The following ABI3BP variants were observed in gnomAD, a reference collection of about 807,000 sequenced individuals.
The protein encoded by ABI3BP is target of Nesh-SH3.
ABI3BP carries 216 observed loss-of-function variants against 268.6 expected under a neutral mutation model. That is an observed-to-expected ratio of 0.80 (90% CI 0.72 to 0.90). ABI3BP has a LOEUF of 0.90. Among genes scored for constraint, ABI3BP ranks in the 40% least tolerant of loss-of-function variants. ABI3BP has a pLI of 0.00. For synonymous variants in ABI3BP, 730 were observed against 730.0 expected, an observed-to-expected ratio of 1.00 and a Z score of 0.00; for missense variants, 2,090 against 2,182.4, an observed-to-expected ratio of 0.96 and a Z score of 0.84.
chr3:100,816,874 T>C, intron 42 of ABI3BP, 106 bp from the exon 43 acceptor site: 1 of 716,484 alleles, frequency 1.4e-6, no homozygotes, highest in Non-Finnish European at 2.3e-6. Flanking sequence ...TCATATGTCT[T>C]TTAAGATTAA....
intron 1 of ABI3BP, among the ~76,000 whole-genome samples, chr3:100,963,680 C>T (rs952943140): frequency 6.6e-6 from 1 of 152,234 alleles, no homozygotes; most frequent in Admixed American, 6.5e-5. Flanking sequence ...CCAGGTTCAT[C>T]TCTAAGCCCT....
intron 1 of ABI3BP, among the ~76,000 whole-genome samples, chr3:100,947,237 C>T (rs564029176): frequency 8.5e-5 from 13 of 152,174 alleles, no homozygotes; most frequent in African/African-American, 3.1e-4. Flanking sequence ...TTGAGCTTTA[C>T]TAGGTGAGAA....
chr3:100,871,121 CTATAAT>C (rs2153229173), intron 9 of ABI3BP, among the ~76,000 whole-genome samples: 1 of 152,002 alleles, frequency 6.6e-6, no homozygotes, highest in East Asian at 1.9e-4. Context: ...AAAACAAGAA[CTATAAT>C]TATAATATTG....
At chr3:100,967,894 A>C (rs1412222062) in intron 1 of ABI3BP, among the ~76,000 whole-genome samples, 1 of 152,180 alleles carries the variant, frequency 6.6e-6, no homozygotes, top group Non-Finnish European at 1.5e-5. Context: ...AAAGAAAAAA[A>C]ATGAAAAAAC....
intron 14 of ABI3BP, among the ~76,000 whole-genome samples, chr3:100,858,079 G>A (rs1034463583): frequency 7.2e-5 from 11 of 152,284 alleles, no homozygotes; most frequent in Middle Eastern, 3.4e-3. Context: ...CAGAAAGACT[G>A]ACTTTTTGTG....
chr3:100,927,487 G>A (rs1172130681), intron 1 of ABI3BP, among the ~76,000 whole-genome samples: 6 of 97,628 alleles, frequency 6.1e-5, no homozygotes, highest in East Asian at 1.1e-3. Flanking sequence ...CTGAAACTGC[G>A]TAATTTATAA....
intron 14 of ABI3BP, among the ~76,000 whole-genome samples, chr3:100,858,433 C>T (rs2098962254): frequency 6.6e-6 from 1 of 152,014 alleles, no homozygotes; most frequent in South Asian, 2.1e-4. Context: ...ATATTCTGTC[C>T]CCTGGTTGCC....
At chr3:100,914,063 A>G (rs2057734363) in intron 2 of ABI3BP, among the ~76,000 whole-genome samples, 1 of 152,238 alleles carries the variant, frequency 6.6e-6, no homozygotes, top group Non-Finnish European at 1.5e-5. Flanking sequence ...GGGAAATAGC[A>G]CAATCAGCAC....
chr3:100,991,427 G>A (rs2092898710), intron 1 of ABI3BP, among the ~76,000 whole-genome samples: 1 of 152,128 alleles, frequency 6.6e-6, no homozygotes, highest in Non-Finnish European at 1.5e-5. Context: ...ACAAAAAGTT[G>A]TACAGGTTTC....
chr3:100,936,714 A>G (rs978246821), intron 1 of ABI3BP, among the ~76,000 whole-genome samples: 2 of 152,034 alleles, frequency 1.3e-5, no homozygotes, highest in African/African-American at 4.8e-5. Flanking sequence ...TGGGAGGGTT[A>G]TGTGTCCAGA....
chr3:100,969,674 T>C (rs961440675), intron 1 of ABI3BP, among the ~76,000 whole-genome samples: 3 of 152,066 alleles, frequency 2.0e-5, no homozygotes, highest in African/African-American at 7.2e-5. Context: ...ATCTACGTCA[T>C]CAAGAAAAAA....
At chr3:100,912,299 A>AAAAAAAAAAAT (rs2056968911) in intron 2 of ABI3BP, 15 of 157,128 alleles carry the variant, frequency 9.5e-5, no homozygotes, top group Non-Finnish European at 1.9e-4. Flanking sequence ...AAAAAAAAAA[A>AAAAAAAAAAAT]AAAAACAGAC....
Position 100,787,928 on chromosome 3 carries a change from T to A in ABI3BP, c.4088-126A>T, listed in dbSNP as rs142153409. The A allele has an allele frequency of 1.3e-4, 75 of 569,694 alleles. 1 individual carries two copies. In the East Asian group the frequency reaches 2.2e-3, roughly 17 times the overall value. 35.3% of individuals were successfully genotyped at this position (569,694 alleles called of 1,614,324 possible). ...AAAAGATGACTTACCAAAAATATTA[T>A]TCAGAATATAGAAACCACAGTCTCG... On this transcript the variant is annotated intron_variant, in intron 56 of 67. Coordinates refer to ENST00000471714, the MANE Select transcript of ABI3BP (RefSeq NM_001375547.2).
At chr3:100,867,527 G>A (rs1003348915) in intron 9 of ABI3BP, among the ~76,000 whole-genome samples, 2 of 150,532 alleles carry the variant, frequency 1.3e-5, no homozygotes, top group African/African-American at 4.9e-5. Context: ...TGTAGTCCCA[G>A]CTACTCTGGA....
intron 2 of ABI3BP, 85 bp from the exon 3 acceptor site, chr3:100,902,771 CCT>C (rs1179840043): frequency 3.5e-5 from 38 of 1,081,016 alleles, no homozygotes; most frequent in Non-Finnish European, 4.7e-5. Context: ...TTCAGCATTC[CCT>C]GAGTCATCCT....
intron 58 of ABI3BP, 133 bp downstream of exon 58, chr3:100,779,999 T>A: frequency 1.4e-6 from 1 of 702,468 alleles, no homozygotes; most frequent in Non-Finnish European, 2.5e-6. Flanking sequence ...GCAATACCCA[T>A]GCACTGTGTG....
At chr3:100,751,730 A>G in intron 66 of ABI3BP, 56 bp from the exon 67 acceptor site, 1 of 1,481,184 alleles carries the variant, frequency 6.8e-7, no homozygotes, top group Non-Finnish European at 9.1e-7. Flanking sequence ...GAAATGTGAC[A>G]ATTTTGAAAT....
At position 100,811,800 on chromosome 3, in the gene ABI3BP, C is replaced by T. The variant is rs1173940210; in HGVS notation, c.3422-1G>A. The stretch of plus-strand genomic sequence containing the variant: ...TATACATAGTCTGTTTTGGCTGGTG[C>T]TAGGGAAGAAACGGGAATGGCTGGT... On this transcript the variant is annotated splice_acceptor_variant, in intron 46 of 67. Transcript: ENST00000471714. LOFTEE classifies it high-confidence loss of function. 2 of 1,535,328 alleles carry T rather than the reference C, an allele frequency of 1.3e-6. No individual in the cohort carries two copies. Among genetic ancestry groups the T allele is most frequent in the Non-Finnish European group, 1.7e-6 (2 of 1,146,390 alleles).
chr3:100,923,884 T>C (rs2061019419), intron 2 of ABI3BP, among the ~76,000 whole-genome samples: 1 of 152,168 alleles, frequency 6.6e-6, no homozygotes, highest in South Asian at 2.1e-4. Context: ...AGAATTTTAT[T>C]GTGAGAGACC....
Sources: allele counts gnomAD v4.1 joint callset (sites outside exome capture counted in the v4.1 genomes callset), GRCh38; gene constraint gnomAD v4.1.1; transcripts MANE v1.5; gene names NCBI Gene and HGNC (gene_info 2026-07-23, HGNC 2026-07-21).